SLC22A16: variants seen among roughly 807,000 people sequenced by gnomAD.
SLC22A16 encodes the protein solute carrier family 22 member 16.
In SLC22A16, 53 loss-of-function variants were observed where a neutral mutation model predicts 52.9. The observed-to-expected ratio is 1.00, with a 90% CI of 0.80 to 1.26. The LOEUF (loss-of-function observed/expected upper bound fraction) is 1.26, where lower values mean the gene tolerates loss of function less well. SLC22A16 is among the 50% of genes most tolerant of loss of function. The pLI is 0.00. For synonymous variants in SLC22A16, 291 were observed against 268.8 expected (o/e 1.08, Z -0.81); for missense variants, 726 against 704.0 (o/e 1.03, Z -0.35).
chr6:110,426,247 A>G (rs1170471638), intron 7 of SLC22A16, among the ~76,000 whole-genome samples: 1 of 152,236 alleles, frequency 6.6e-6, no homozygotes, highest in Non-Finnish European at 1.5e-5. Context: ...CCAGTGATCT[A>G]GAAACCCCAG....
At chr6:110,441,250 A>T (rs72939920) in intron 4 of SLC22A16, among the ~76,000 whole-genome samples, 23,920 of 152,260 alleles carry the variant, frequency 0.16, 2,483 homozygotes, top group Non-Finnish European at 0.24. Flanking sequence ...TATCTCAATT[A>T]GTCTGGCTTA....
At chr6:110,459,223 A>G (rs1023743835) in intron 1 of SLC22A16, among the ~76,000 whole-genome samples, 4 of 152,338 alleles carry the variant, frequency 2.6e-5, no homozygotes, top group East Asian at 3.9e-4. Context: ...GGCTAGGCTT[A>G]GTAACTTGCT....
intron 6 of SLC22A16, among the ~76,000 whole-genome samples, chr6:110,434,859 TC>T (rs1774660683): frequency 6.6e-6 from 1 of 152,096 alleles, no homozygotes; most frequent in South Asian, 2.1e-4. Flanking sequence ...GCACGTGTAA[TC>T]CCAGCTACTC....
intron 7 of SLC22A16, 131 bp from the exon 8 acceptor site, chr6:110,425,216 C>T: frequency 3.3e-6 from 5 of 1,518,760 alleles, no homozygotes; most frequent in Non-Finnish European, 4.4e-6. Flanking sequence ...ACTGTGATTA[C>T]TCGGTGAGAT....
intron 1 of SLC22A16, among the ~76,000 whole-genome samples, chr6:110,465,622 T>C (rs771927954): frequency 6.6e-5 from 10 of 151,952 alleles, no homozygotes; most frequent in Non-Finnish European, 1.2e-4. Context: ...TACAAAACAC[T>C]AATGAAAGAA....
rs1219226897 is a variant in SLC22A16 at position 110,462,922 on chromosome 6, C to T, written c.54-5905G>A. On this transcript the variant is annotated intron_variant, in intron 1 of 7. Transcript: ENST00000368919. ...AAGAAATCCTGTCAGACTAATGAGACGTCTCAGTAGAAATCTTACAAGCCA... is the reference window on the plus strand; with the variant it reads ...AAGAAATCCTGTCAGACTAATGAGATGTCTCAGTAGAAATCTTACAAGCCA... 3.3e-5 allele frequency among the ~76,000 whole-genome samples: 5 copies of T among 151,756 alleles called. No homozygotes were observed. The South Asian group carries it at 6.2e-4, about 19-fold the overall frequency.
intron 1 of SLC22A16, 137 bp from the exon 2 acceptor site, chr6:110,457,154 T>C: frequency 1.2e-6 from 1 of 865,742 alleles, no homozygotes; most frequent in Non-Finnish European, 1.7e-6. Context: ...ATAGACATAT[T>C]TATATCTGTG....
chr6:110,473,940 A>G (rs1776367170), intron 1 of SLC22A16, among the ~76,000 whole-genome samples: 1 of 152,096 alleles, frequency 6.6e-6, no homozygotes, highest in African/African-American at 2.4e-5. Context: ...CCCAGGCCAT[A>G]GACCAGACTG....
chr6:110,446,446 C>T (rs1248428374), intron 3 of SLC22A16, among the ~76,000 whole-genome samples: 1 of 152,160 alleles, frequency 6.6e-6, no homozygotes, highest in Non-Finnish European at 1.5e-5. Context: ...AACTCGTGCC[C>T]TTTCCACTAA....
chr6:110,426,530 C>T (rs1774261909), intron 7 of SLC22A16, among the ~76,000 whole-genome samples: 1 of 152,098 alleles, frequency 6.6e-6, no homozygotes, highest in African/African-American at 2.4e-5. Flanking sequence ...GATCCTTTCA[C>T]ACTCTCCAGA....
At chr6:110,439,857 C>A (rs1261854326) in intron 4 of SLC22A16, 2 of 152,108 alleles carry the variant, frequency 1.3e-5, no homozygotes, top group South Asian at 2.1e-4. Flanking sequence ...AGTACAACAA[C>A]ATAAATTATA....
chr6:110,427,298 T>C (rs563545401), intron 7 of SLC22A16, among the ~76,000 whole-genome samples: 24 of 150,162 alleles, frequency 1.6e-4, no homozygotes, highest in Admixed American at 1.5e-3. Flanking sequence ...AAAAGAAATG[T>C]TCTTGACCCT....
intron 1 of SLC22A16, among the ~76,000 whole-genome samples, chr6:110,464,088 T>C (rs1277049693): frequency 6.6e-6 from 1 of 152,000 alleles, no homozygotes; most frequent in Admixed American, 6.6e-5. Flanking sequence ...AAAAAAATGT[T>C]TTGAAATGAA....
intron 7 of SLC22A16, among the ~76,000 whole-genome samples, chr6:110,428,543 A>T (rs1774367716): frequency 6.6e-6 from 1 of 152,236 alleles, no homozygotes; most frequent in African/African-American, 2.4e-5. Flanking sequence ...TCTGTCCATC[A>T]GTCTCCTCAT....
At chr6:110,474,835 CTGTT>C in intron 1 of SLC22A16, 2 of 480,008 alleles carry the variant, frequency 4.2e-6, no homozygotes, top group Non-Finnish European at 8.3e-6. Flanking sequence ...TTTGAGGAAT[CTGTT>C]TGATTGGGCA....
intron 4 of SLC22A16, among the ~76,000 whole-genome samples, chr6:110,441,760 A>G (rs1338905273): frequency 1.3e-5 from 2 of 152,164 alleles, no homozygotes; most frequent in African/African-American, 4.8e-5. Flanking sequence ...AAGAGTTTTG[A>G]TGGGAAATCA....
intron 1 of SLC22A16, among the ~76,000 whole-genome samples, chr6:110,467,491 T>C (rs1430566831): frequency 6.6e-6 from 1 of 152,208 alleles, no homozygotes. Flanking sequence ...GAGCAGAAAC[T>C]GTGGTTCAGT....
At chr6:110,439,908 T>C (rs1423126129) in intron 4 of SLC22A16, 7 of 152,224 alleles carry the variant, frequency 4.6e-5, no homozygotes, top group African/African-American at 9.6e-5. Context: ...CTAAAATTTA[T>C]AAATTAAGGA....
chr6:110,451,472 C>T (rs1775378235), intron 2 of SLC22A16, among the ~76,000 whole-genome samples: 3 of 152,206 alleles, frequency 2.0e-5, no homozygotes, highest in Non-Finnish European at 4.4e-5. Context: ...CTTAGTATTA[C>T]AAGACTTCTG....
Sources: allele counts gnomAD v4.1 joint callset (sites outside exome capture counted in the v4.1 genomes callset), GRCh38; gene constraint gnomAD v4.1.1; transcripts MANE v1.5; gene names NCBI Gene and HGNC (gene_info 2026-07-23, HGNC 2026-07-21).